Variants in GHR observed in about 807,000 individuals in gnomAD.
GHR encodes growth hormone receptor, also known as GH receptor.
GHR carries 35 observed loss-of-function variants against 67.1 expected under a neutral mutation model. That is an observed-to-expected ratio of 0.52 (90% CI 0.40 to 0.69). The LOEUF is 0.69. Ranked by LOEUF, GHR falls within the 30% of genes least tolerant of loss-of-function variation. GHR has a pLI of 0.00. For missense variants in GHR, 792 were observed against 764.6 expected (o/e 1.04, Z -0.42); for synonymous variants, 272 against 269.1 (o/e 1.01, Z -0.10).
At chr5:42,615,718 G>A (rs188581837) in intron 2 of GHR, among the ~76,000 whole-genome samples, 1,497 of 138,700 alleles carry the variant, frequency 0.011, 7 homozygotes, top group Non-Finnish European at 0.016. Context: ...CATAGCAGTA[G>A]AAATTTGGAA....
chr5:42,510,675 A>T (rs1746974400), intron 1 of GHR, among the ~76,000 whole-genome samples: 1 of 152,226 alleles, frequency 6.6e-6, no homozygotes. Flanking sequence ...GACTCAAGGA[A>T]TATTAAAAAT....
chr5:42,436,053 G>A (rs867719386), intron 1 of GHR, among the ~76,000 whole-genome samples: 5 of 152,166 alleles, frequency 3.3e-5, no homozygotes, highest in Non-Finnish European at 7.3e-5. Context: ...TTGAATGTGT[G>A]CCCTGAACAT....
intron 6 of GHR, among the ~76,000 whole-genome samples, chr5:42,704,586 C>A (rs1758086329): frequency 6.6e-6 from 1 of 151,964 alleles, no homozygotes; most frequent in African/African-American, 2.4e-5. Flanking sequence ...TTGGTAGTAT[C>A]CCCTTTTCTT....
chr5:42,549,711 A>T, intron 1 of GHR: 1 of 958,016 alleles, frequency 1.0e-6, no homozygotes, highest in Non-Finnish European at 1.2e-6. Context: ...GGAAGAGGCC[A>T]CATCAGATCA....
chr5:42,682,607 T>G (rs115151572), intron 3 of GHR, among the ~76,000 whole-genome samples: 1 of 152,098 alleles, frequency 6.6e-6, no homozygotes, highest in African/African-American at 2.4e-5. Flanking sequence ...TGTGACAGGA[T>G]GTGATTAAGG....
At chr5:42,640,946 G>C (rs1003433759) in intron 3 of GHR, among the ~76,000 whole-genome samples, 1 of 152,090 alleles carries the variant, frequency 6.6e-6, no homozygotes, top group African/African-American at 2.4e-5. Flanking sequence ...GGGCTGAGAG[G>C]CTCGCCATAC....
At chr5:42,473,703 C>T (rs1259551986) in intron 1 of GHR, among the ~76,000 whole-genome samples, 1 of 151,470 alleles carries the variant, frequency 6.6e-6, no homozygotes, top group African/African-American at 2.4e-5. Flanking sequence ...ATGGTGAAAC[C>T]CCGTCTCTAC....
chr5:42,468,160 C>T (rs1207252537), intron 1 of GHR: 11 of 1,320,264 alleles, frequency 8.3e-6, no homozygotes, highest in Non-Finnish European at 1.2e-5. Context: ...TCCATCAAGG[C>T]CTGTCTGACG....
chr5:42,598,914 A>G (rs1752220787), intron 2 of GHR, among the ~76,000 whole-genome samples: 1 of 152,244 alleles, frequency 6.6e-6, no homozygotes, highest in Non-Finnish European at 1.5e-5. Context: ...GAAAAAGTTA[A>G]AATAGATGTC....
intron 5 of GHR, among the ~76,000 whole-genome samples, chr5:42,698,595 A>C (rs956765324): frequency 4.6e-5 from 7 of 152,280 alleles, no homozygotes; most frequent in African/African-American, 1.7e-4. Context: ...GGGCAACAGC[A>C]TGCTCCTCCA....
At chr5:42,686,010 T>C (rs1056854332) in intron 3 of GHR, among the ~76,000 whole-genome samples, 3 of 152,206 alleles carry the variant, frequency 2.0e-5, no homozygotes, top group African/African-American at 7.2e-5. Context: ...TCATGAAGTC[T>C]TTGCTCATGC....
intron 1 of GHR, among the ~76,000 whole-genome samples, chr5:42,484,513 A>G (rs1473556554): frequency 2.6e-5 from 4 of 152,214 alleles, no homozygotes; most frequent in Non-Finnish European, 5.9e-5. Flanking sequence ...AAAATGAAAA[A>G]GATGCTTTCC....
intron 1 of GHR, among the ~76,000 whole-genome samples, chr5:42,562,939 A>G (rs1031992714): frequency 1.3e-5 from 2 of 151,864 alleles, no homozygotes; most frequent in African/African-American, 4.8e-5. Flanking sequence ...ATGAGCCACC[A>G]CGCCCCACCT....
chr5:42,697,375 C>T (rs528122018), intron 5 of GHR, among the ~76,000 whole-genome samples: 18 of 152,148 alleles, frequency 1.2e-4, no homozygotes, highest in Admixed American at 2.0e-4. Flanking sequence ...TTAATCCCAA[C>T]GAGGATGGAA....
chr5:42,694,798 CCT>C, intron 4 of GHR, 117 bp from the exon 5 acceptor site: 1 of 797,288 alleles, frequency 1.3e-6, no homozygotes, highest in Non-Finnish European at 2.2e-6. Flanking sequence ...TACTAAAATA[CCT>C]CTTCACAAAA....
chr5:42,532,967 T>C (rs1470029449), intron 1 of GHR, among the ~76,000 whole-genome samples: 3 of 152,172 alleles, frequency 2.0e-5, no homozygotes, highest in Non-Finnish European at 4.4e-5. Flanking sequence ...GTGTACTTGC[T>C]GTGTCTTAGG....
At chr5:42,439,278 T>C (rs1271357655) in intron 1 of GHR, among the ~76,000 whole-genome samples, 3 of 152,196 alleles carry the variant, frequency 2.0e-5, no homozygotes, top group African/African-American at 7.2e-5. Context: ...ACTCAGGAAA[T>C]AATCTGTTTG....
intron 1 of GHR, among the ~76,000 whole-genome samples, chr5:42,563,366 G>A (rs1749723359): frequency 6.6e-6 from 1 of 152,096 alleles, no homozygotes; most frequent in African/African-American, 2.4e-5. Context: ...TGTAATCCCA[G>A]CACTTTGGAA....
intron 2 of GHR, among the ~76,000 whole-genome samples, chr5:42,591,333 A>G (rs1418612388): frequency 6.6e-6 from 1 of 152,266 alleles, no homozygotes; most frequent in Admixed American, 6.5e-5. Flanking sequence ...GTCTGAGACA[A>G]CTGGCTCTCG....
Sources: allele counts gnomAD v4.1 joint callset (sites outside exome capture counted in the v4.1 genomes callset), GRCh38; gene constraint gnomAD v4.1.1; transcripts MANE v1.5; gene names NCBI Gene and HGNC (gene_info 2026-07-23, HGNC 2026-07-21).